The following LMNTD1 variants were observed in gnomAD, a reference collection of about 807,000 sequenced individuals.
LMNTD1 encodes the protein lamin tail domain-containing protein 1.
Under a neutral mutation model 50.9 loss-of-function variants are expected in LMNTD1, and 35 were observed. The observed-to-expected ratio is 0.69, with a 90% confidence interval of 0.53 to 0.91. The LOEUF (loss-of-function observed/expected upper bound fraction) is 0.91. LMNTD1 is among the 40% of genes least tolerant of loss of function. LMNTD1 has a pLI of 0.00. For synonymous variants in LMNTD1, 153 were observed against 161.9 expected (o/e 0.94, Z 0.42); for missense variants, 470 against 475.5 (o/e 0.99, Z 0.11).
intron 1 of LMNTD1, among the ~76,000 whole-genome samples, chr12:25,581,992 C>T (rs1266234701): frequency 1.3e-5 from 2 of 152,236 alleles, no homozygotes; most frequent in Non-Finnish European, 2.9e-5. Context: ...CTTTTATTTA[C>T]ACCTGACTTC....
At position 25,502,333 on chromosome 12, in the gene LMNTD1, G is replaced by A. The variant is rs1939441062; in HGVS notation, c.*22+1405C>T. On this transcript the variant is annotated intron_variant, in intron 9 of 9. Transcript: ENST00000458174. ...GGGAGTGAAACATAATCAAATTATG[G>A]AAGTGCTGTTGCTAAATGCCTGGGC... 2.6e-5 allele frequency among the ~76,000 whole-genome samples: 4 copies of A among 152,188 alleles called. No homozygotes were observed. In the South Asian group the frequency reaches 8.3e-4, roughly 32 times the overall value.
intron 9 of LMNTD1, among the ~76,000 whole-genome samples, chr12:25,488,437 C>A (rs1938743979): frequency 7.0e-6 from 1 of 142,154 alleles, no homozygotes; most frequent in African/African-American, 2.6e-5. Context: ...GCTCCTGAGG[C>A]TTCTGCATTC....
At chr12:25,606,259 TAC>T (rs975716996) in intron 1 of LMNTD1, among the ~76,000 whole-genome samples, 4 of 152,228 alleles carry the variant, frequency 2.6e-5, no homozygotes, top group Non-Finnish European at 4.4e-5. Flanking sequence ...TTTCTAGATA[TAC>T]AATCATGTCA....
chr12:25,514,102 C>T (rs574890617), intron 8 of LMNTD1, among the ~76,000 whole-genome samples: 2 of 152,212 alleles, frequency 1.3e-5, no homozygotes, highest in Non-Finnish European at 2.9e-5. Context: ...AGCCAAATCA[C>T]ACTGAAAGGG....
In LMNTD1 at chr12:25,512,119, A is replaced by G. The variant is rs558578525; in HGVS notation, c.1189+6676T>C. Among the ~76,000 whole-genome samples, 6 of 152,376 alleles carry G rather than the reference A, an allele frequency of 3.9e-5. No individual in the cohort carries two copies. The East Asian group carries it at 9.6e-4, about 24-fold the overall frequency. The stretch of plus-strand genomic sequence containing the variant: ...CAAGTATTTTAAAATGAAATAAAAG[A>G]GTAGGAAATATCAGAATCTGTCATA... On this transcript the variant is annotated intron_variant, in intron 8 of 9. Transcript: ENST00000458174.
chr12:25,523,755 G>A (rs374954120), intron 6 of LMNTD1, among the ~76,000 whole-genome samples: 3 of 146,906 alleles, frequency 2.0e-5, no homozygotes, highest in South Asian at 2.2e-4. Context: ...CTTTCTAGTC[G>A]AATTAAATAA....
intron 1 of LMNTD1, among the ~76,000 whole-genome samples, chr12:25,587,335 G>A (rs951592770): frequency 2.0e-5 from 3 of 152,210 alleles, no homozygotes; most frequent in Admixed American, 6.5e-5. Context: ...TCACTGTTCT[G>A]CAAGCTGTGC....
In LMNTD1 at chr12:25,595,697, A is replaced by G. The variant is rs566073928; in HGVS notation, c.59-49143T>C. ...AGAGAAACAAGAACAAGCCAAACCC[A>G]AACCTAGCAGAAGAAAGGAAATAAC... On this transcript the variant is annotated intron_variant, in intron 1 of 7. Transcript: ENST00000445693. Among the ~76,000 whole-genome samples, 14 of 152,238 alleles carry G rather than the reference A, an allele frequency of 9.2e-5. No individual in the cohort carries two copies. In the East Asian group the frequency reaches 2.7e-3, roughly 29 times the overall value.
intron 8 of LMNTD1, among the ~76,000 whole-genome samples, chr12:25,512,893 C>T (rs752261843): frequency 3.3e-5 from 5 of 151,970 alleles, no homozygotes; most frequent in Admixed American, 1.3e-4. Context: ...AACCTCTTCT[C>T]ATGACTCCCA....
chr12:25,609,633 C>A (rs1946198704), intron 1 of LMNTD1, among the ~76,000 whole-genome samples: 1 of 152,200 alleles, frequency 6.6e-6, no homozygotes, highest in Non-Finnish European at 1.5e-5. Flanking sequence ...ACCCTGTTTG[C>A]CTGGGTATCA....
intron 1 of LMNTD1, among the ~76,000 whole-genome samples, chr12:25,605,110 A>AT (rs1237313171): frequency 6.6e-6 from 1 of 152,014 alleles, no homozygotes; most frequent in African/African-American, 2.4e-5. Flanking sequence ...GATGATGAGC[A>AT]TTTTTTCATG....
chr12:25,562,895 A>G (rs1944396654), intron 1 of LMNTD1, among the ~76,000 whole-genome samples: 1 of 152,078 alleles, frequency 6.6e-6, no homozygotes, highest in African/African-American at 2.4e-5. Flanking sequence ...TTGATCTTCA[A>G]TCACTAATAC....
chr12:25,632,412 T>C (rs1383788079), intron 1 of LMNTD1, among the ~76,000 whole-genome samples: 1 of 152,126 alleles, frequency 6.6e-6, no homozygotes, highest in African/African-American at 2.4e-5. Flanking sequence ...CCAGGTAACC[T>C]ATAAAGGAAA....
At chr12:25,573,217 A>G (rs1297554301) in intron 1 of LMNTD1, among the ~76,000 whole-genome samples, 1 of 151,904 alleles carries the variant, frequency 6.6e-6, no homozygotes, top group East Asian at 1.9e-4. Flanking sequence ...ATCTTCAACC[A>G]TTACATCTTT....
intron 1 of LMNTD1, among the ~76,000 whole-genome samples, chr12:25,625,644 C>T (rs1008186289): frequency 2.6e-5 from 4 of 152,228 alleles, no homozygotes; most frequent in Non-Finnish European, 5.9e-5. Context: ...TCTTTTCAGA[C>T]TCCCCGGCTT....
intron 9 of LMNTD1, among the ~76,000 whole-genome samples, chr12:25,490,094 G>C (rs916984078): frequency 6.6e-6 from 1 of 152,152 alleles, no homozygotes; most frequent in African/African-American, 2.4e-5. Flanking sequence ...GAAGGCTTTG[G>C]ATAAGCCTGT....
chr12:25,510,321 T>A (rs1940171737), intron 8 of LMNTD1, among the ~76,000 whole-genome samples: 1 of 152,096 alleles, frequency 6.6e-6, no homozygotes, highest in East Asian at 1.9e-4. Context: ...GAACTCAGGA[T>A]TAGAAGTTCT....
At chr12:25,497,262 C>A (rs1374309724) in intron 9 of LMNTD1, among the ~76,000 whole-genome samples, 2 of 152,050 alleles carry the variant, frequency 1.3e-5, no homozygotes, top group South Asian at 2.1e-4. Flanking sequence ...CCCTTTGCAG[C>A]GAGGATGAGA....
At chr12:25,534,049 G>T (rs540991300) in intron 4 of LMNTD1, among the ~76,000 whole-genome samples, 91 of 152,270 alleles carry the variant, frequency 6.0e-4, no homozygotes, top group African/African-American at 2.1e-3. Flanking sequence ...GAGACATCTA[G>T]AACTAAACTT....
Sources: allele counts gnomAD v4.1 joint callset (sites outside exome capture counted in the v4.1 genomes callset), GRCh38; gene constraint gnomAD v4.1.1; transcripts MANE v1.5; gene names NCBI Gene and HGNC (gene_info 2026-07-23, HGNC 2026-07-21).